The following BMP5 variants were observed in gnomAD, a reference collection of about 807,000 sequenced individuals.
BMP5 encodes bone morphogenetic protein 5.
Under a neutral mutation model 46.6 loss-of-function variants are expected in BMP5, and 23 were observed. That is an observed-to-expected ratio of 0.49 (90% CI 0.35 to 0.70). The LOEUF is 0.70. Among genes scored for constraint, BMP5 ranks in the 30% least tolerant of loss-of-function variants. The pLI is 0.00. For missense variants in BMP5, 545 were observed against 565.6 expected, an observed-to-expected ratio of 0.96 and a Z score of 0.37; for synonymous variants, 204 against 191.9, an observed-to-expected ratio of 1.06 and a Z score of -0.52.
At chr6:55,801,477 A>T (rs1240859273) in intron 2 of BMP5, among the ~76,000 whole-genome samples, 2 of 152,180 alleles carry the variant, frequency 1.3e-5, no homozygotes, top group Non-Finnish European at 2.9e-5. Context: ...TGGGTTCCAG[A>T]TTATCTTCAC....
chr6:55,807,054 C>T (rs937305500), intron 2 of BMP5, among the ~76,000 whole-genome samples: 9 of 152,030 alleles, frequency 5.9e-5, no homozygotes, highest in Non-Finnish European at 1.5e-5. Flanking sequence ...ATCTGAATAC[C>T]CTTTATTTCT....
At chr6:55,820,338 T>G (rs1031773167) in intron 1 of BMP5, among the ~76,000 whole-genome samples, 4 of 152,186 alleles carry the variant, frequency 2.6e-5, no homozygotes, top group African/African-American at 9.6e-5. Context: ...CAAACTAATT[T>G]TTACAAGAAA....
chr6:55,762,662 G>A (rs944409502), intron 4 of BMP5, among the ~76,000 whole-genome samples: 3 of 151,976 alleles, frequency 2.0e-5, no homozygotes, highest in African/African-American at 4.8e-5. Flanking sequence ...AAATTTCCTC[G>A]ATCGTGTTTA....
chr6:55,774,347 A>G (rs988823878), intron 3 of BMP5, 104 bp from the exon 4 acceptor site: 2 of 1,061,066 alleles, frequency 1.9e-6, no homozygotes, highest in African/African-American at 3.1e-5. Context: ...GTTTTAAAAC[A>G]TTATCAGAAT....
At chr6:55,791,580 T>A (rs71548702) in intron 3 of BMP5, among the ~76,000 whole-genome samples, 5,224 of 151,602 alleles carry the variant, frequency 0.034, 147 homozygotes, top group Non-Finnish European at 0.056. Flanking sequence ...TAAGAGAAAA[T>A]TAATCATAGA....
At chr6:55,859,419 T>C (rs966973167) in intron 1 of BMP5, among the ~76,000 whole-genome samples, 1 of 152,150 alleles carries the variant, frequency 6.6e-6, no homozygotes, top group East Asian at 1.9e-4. Context: ...GCATGCCCAA[T>C]AATAAAATAC....
intron 1 of BMP5, among the ~76,000 whole-genome samples, chr6:55,842,785 G>A (rs1776993746): frequency 6.6e-6 from 1 of 151,644 alleles, no homozygotes; most frequent in Non-Finnish European, 1.5e-5. Flanking sequence ...CAATTTCATT[G>A]GAATTATTTG....
At chr6:55,823,592 A>C (rs1398598655) in intron 1 of BMP5, among the ~76,000 whole-genome samples, 1 of 152,048 alleles carries the variant, frequency 6.6e-6, no homozygotes, top group Non-Finnish European at 1.5e-5. Flanking sequence ...CCAGGATTTC[A>C]ATTTCTAAGC....
intron 1 of BMP5, among the ~76,000 whole-genome samples, chr6:55,855,981 A>G (rs1432723307): frequency 6.6e-6 from 1 of 152,184 alleles, no homozygotes; most frequent in African/African-American, 2.4e-5. Context: ...AGAATCGGTG[A>G]TCACCACCAC....
At chr6:55,787,611 A>G (rs1775479200) in intron 3 of BMP5, among the ~76,000 whole-genome samples, 1 of 151,666 alleles carries the variant, frequency 6.6e-6, no homozygotes, top group South Asian at 2.1e-4. Flanking sequence ...GAAGAAAAAG[A>G]TGAATCCTGT....
chr6:55,780,456 T>TAAAAAAAAAAAAAAA (rs369703099), intron 3 of BMP5, among the ~76,000 whole-genome samples: 1 of 61,992 alleles, frequency 1.6e-5, no homozygotes, highest in Non-Finnish European at 2.7e-5. Flanking sequence ...CCATCACTAC[T>TAAAAAAAAAAAAAAA]AAAAAAAAAA....
intron 3 of BMP5, among the ~76,000 whole-genome samples, chr6:55,784,851 G>T (rs1271943831): frequency 1.3e-5 from 2 of 151,708 alleles, no homozygotes; most frequent in African/African-American, 4.8e-5. Context: ...TTTCAGTTCA[G>T]AATTTATAAA....
chr6:55,858,013 C>T (rs911861373), intron 1 of BMP5, among the ~76,000 whole-genome samples: 1 of 152,202 alleles, frequency 6.6e-6, no homozygotes, highest in Admixed American at 6.5e-5. Context: ...GCTGGGATGA[C>T]AGGCATGCAC....
intron 1 of BMP5, among the ~76,000 whole-genome samples, chr6:55,859,158 T>A (rs1490463477): frequency 2.6e-5 from 4 of 152,162 alleles, no homozygotes; most frequent in Admixed American, 6.5e-5. Context: ...TAAAAAGGTA[T>A]AGGATAGCAA....
At chr6:55,817,972 T>C (rs568813929) in intron 2 of BMP5, among the ~76,000 whole-genome samples, 3 of 152,230 alleles carry the variant, frequency 2.0e-5, no homozygotes, top group South Asian at 2.1e-4. Flanking sequence ...TTATTTAAAA[T>C]AGCCAAGGTA....
At chr6:55,871,900 T>TA (rs1158352224) in intron 1 of BMP5, among the ~76,000 whole-genome samples, 1 of 151,826 alleles carries the variant, frequency 6.6e-6, no homozygotes, top group African/African-American at 2.4e-5. Context: ...CATTTGTACT[T>TA]AGTCTCAACT....
chr6:55,790,778 C>T (rs768975585), intron 3 of BMP5, among the ~76,000 whole-genome samples: 66 of 152,276 alleles, frequency 4.3e-4, no homozygotes, highest in Admixed American at 9.8e-4. Context: ...TAACTGCTGA[C>T]CCAGTTTCAA....
chr6:55,862,246 T>C (rs1433032282), intron 1 of BMP5, among the ~76,000 whole-genome samples: 2 of 152,206 alleles, frequency 1.3e-5, no homozygotes, highest in Non-Finnish European at 2.9e-5. Flanking sequence ...ACAATCACAG[T>C]AAACTACCAG....
At chr6:55,863,542 C>A (rs1454013049) in intron 1 of BMP5, among the ~76,000 whole-genome samples, 2 of 152,152 alleles carry the variant, frequency 1.3e-5, no homozygotes, top group Admixed American at 6.5e-5. Flanking sequence ...AGAGTCCAGT[C>A]TCTGCCATGG....
Sources: allele counts gnomAD v4.1 joint callset (sites outside exome capture counted in the v4.1 genomes callset), GRCh38; gene constraint gnomAD v4.1.1; transcripts MANE v1.5; gene names NCBI Gene and HGNC (gene_info 2026-07-23, HGNC 2026-07-21).